The following DMD variants were observed in gnomAD, a reference collection of about 807,000 sequenced individuals.
DMD encodes the protein mutant dystrophin.
Under a neutral mutation model 330.1 loss-of-function variants are expected in DMD, and 63 were observed. That is an observed-to-expected ratio of 0.19 (90% CI 0.16 to 0.24). The LOEUF is 0.24. DMD is among the 10% of genes least tolerant of loss of function. The pLI is 1.00. For synonymous variants in DMD, 1,223 were observed against 959.8 expected (o/e 1.27, Z -5.07); for missense variants, 3,344 against 2,684.1 (o/e 1.25, Z -5.43).
chrX:31,634,598 G>A (rs901643107), intron 54 of DMD, among the ~76,000 whole-genome samples: 1 of 111,399 alleles, frequency 9.0e-6, no homozygotes, highest in Non-Finnish European at 1.9e-5. Context: ...GATAGTAAGA[G>A]AGTATAGGCA....
At chrX:31,745,557 G>T (rs2087757411) in intron 51 of DMD, among the ~76,000 whole-genome samples, 1 of 112,056 alleles carries the variant, frequency 8.9e-6, no homozygotes, top group Non-Finnish European at 1.9e-5. Flanking sequence ...GTCCTGTCAT[G>T]AAAACATGTA....
intron 41 of DMD, among the ~76,000 whole-genome samples, chrX:32,324,646 G>C (rs2097641049): frequency 1.8e-5 from 2 of 110,909 alleles, no homozygotes; most frequent in African/African-American, 6.6e-5. Context: ...TTCTACATAA[G>C]GTAAAAATTA....
chrX:32,243,438 T>C (rs2097217084), intron 43 of DMD, among the ~76,000 whole-genome samples: 1 of 111,783 alleles, frequency 8.9e-6, no homozygotes, highest in African/African-American at 3.2e-5. Context: ...ATTAAGACAG[T>C]GCTATGCTGG....
intron 55 of DMD, among the ~76,000 whole-genome samples, chrX:31,611,885 G>C (rs898726908): frequency 9.0e-6 from 1 of 110,991 alleles, no homozygotes; most frequent in Non-Finnish European, 1.9e-5. Context: ...TTTTTTTTAT[G>C]GGTACATAGT....
intron 11 of DMD, among the ~76,000 whole-genome samples, chrX:32,643,027 T>C (rs776010859): frequency 1.8e-5 from 2 of 111,368 alleles, no homozygotes; most frequent in East Asian, 5.6e-4. Flanking sequence ...TGGAGTAAAT[T>C]AGTGGACCTG....
At chrX:31,626,192 C>A (rs1190205426) in intron 55 of DMD, among the ~76,000 whole-genome samples, 15 of 90,484 alleles carry the variant, frequency 1.7e-4, no homozygotes, top group African/African-American at 6.5e-4. Context: ...GCCATGTTGG[C>A]CAGGCTGGTC....
intron 3 of DMD, 83 bp downstream of exon 3, chrX:32,849,645 G>C (rs915595171): frequency 1.3e-5 from 9 of 716,978 alleles, no homozygotes; most frequent in African/African-American, 2.1e-5. Context: ...CATTCTACTA[G>C]ATGTCATAAA....
In DMD at chrX:31,126,678, A is replaced by T. The variant is rs753104670; in HGVS notation, c.11015-5T>A. 3 of 1,178,478 alleles carry T rather than the reference A, an allele frequency of 2.5e-6. No homozygotes were observed. The African/African-American group carries it at 5.3e-5, about 21-fold the overall frequency. On this transcript the variant is annotated splice_polypyrimidine_tract_variant and splice_region_variant and intron_variant, in intron 77 of 78. Transcript: ENST00000357033. ...GCTTTCCAGGGGTATTTCTTCCTTT[A>T]ATAATAGAGAGAGGAAGAGGCAGAG...
At chrX:31,653,423 G>C (rs746718273) in intron 54 of DMD, among the ~76,000 whole-genome samples, 1 of 110,832 alleles carries the variant, frequency 9.0e-6, no homozygotes, top group South Asian at 3.9e-4. Context: ...AGAACCTAGA[G>C]GGATTTTTTA....
At chrX:32,371,133 T>C (rs2097875470) in intron 34 of DMD, among the ~76,000 whole-genome samples, 1 of 111,560 alleles carries the variant, frequency 9.0e-6, no homozygotes, top group Non-Finnish European at 1.9e-5. Context: ...TGAGTGATAG[T>C]CATTAAATTC....
intron 4 of DMD, among the ~76,000 whole-genome samples, chrX:32,827,523 C>T (rs753533731): frequency 2.2e-4 from 25 of 111,334 alleles, no homozygotes; most frequent in African/African-American, 8.2e-4. Context: ...CACATTATTT[C>T]ATCGCCCAGG....
Position 31,146,375 on chromosome X carries a change from A to T in DMD, c.10837T>A (p.Ser3613Thr). The T allele has an allele frequency of 8.3e-7, 1 of 1,210,719 alleles. No homozygotes were observed. The highest frequency in any genetic ancestry group is 1.1e-6 in the Non-Finnish European group (1 of 894,539). The part of the protein sequence containing the change: ...EAKVNGTTVS[S>T]PSTSLQRSDS... ...GACCTCTGTAGAGAGGTAGAAGGAG[A>T]GGACACCGTTGTGCCATTCACTTTG... Residue 3613 changes from serine to threonine, a missense_variant, in exon 76 of 79, where the codon TCT becomes ACT. Transcript: ENST00000357033.
At chrX:32,602,141 C>A (rs1177769522) in intron 12 of DMD, among the ~76,000 whole-genome samples, 3 of 111,745 alleles carry the variant, frequency 2.7e-5, no homozygotes, top group Non-Finnish European at 5.7e-5. Flanking sequence ...ACCTGAACTT[C>A]CAATTTATTT....
At chrX:31,306,184 A>G (rs1351077474) in intron 62 of DMD, among the ~76,000 whole-genome samples, 5 of 109,910 alleles carry the variant, frequency 4.5e-5, no homozygotes, top group African/African-American at 1.7e-4. Context: ...TTTATATAAA[A>G]TTAGTTTTCA....
chrX:31,970,833 G>A (rs775390157), intron 44 of DMD, among the ~76,000 whole-genome samples: 3 of 111,526 alleles, frequency 2.7e-5, no homozygotes, highest in Admixed American at 9.5e-5. Context: ...AAACTGCATC[G>A]TGCAAGCATC....
At chrX:32,425,391 A>T (rs1168861995) in intron 29 of DMD, among the ~76,000 whole-genome samples, 2 of 109,419 alleles carry the variant, frequency 1.8e-5, no homozygotes, top group Non-Finnish European at 3.8e-5. Flanking sequence ...CAATCCTTCC[A>T]TTTTTTTTGC....
rs146377870 is a variant in DMD at position 31,163,423 on chromosome X, A to C, written c.10553+6020T>G. ...GCCACACGGAACTGTGAGTCCATTA[A>C]ACCTCTTTTTCTTTGTAAATTGCCC... On this transcript the variant is annotated intron_variant, in intron 74 of 78. Transcript: ENST00000357033. Among the ~76,000 whole-genome samples, 329 of 111,496 alleles carry C rather than the reference A, an allele frequency of 3.0e-3. 2 individuals are homozygous for C. The highest frequency in any genetic ancestry group is 0.01 in the African/African-American group (314 of 30,654).
intron 74 of DMD, among the ~76,000 whole-genome samples, chrX:31,149,240 C>T (rs1200072436): frequency 1.8e-5 from 2 of 112,066 alleles, no homozygotes; most frequent in East Asian, 2.8e-4. Flanking sequence ...CCACTGATCT[C>T]TAACGATGCT....
At chrX:32,629,313 G>A (rs746438949) in intron 11 of DMD, among the ~76,000 whole-genome samples, 3 of 111,576 alleles carry the variant, frequency 2.7e-5, no homozygotes, top group African/African-American at 9.8e-5. Flanking sequence ...AACCTATTTT[G>A]TCTGATAAAA....
Sources: allele counts gnomAD v4.1 joint callset (sites outside exome capture counted in the v4.1 genomes callset), GRCh38; gene constraint gnomAD v4.1.1; transcripts MANE v1.5; gene names NCBI Gene and HGNC (gene_info 2026-07-23, HGNC 2026-07-21).